Variants in SDK1 observed in about 807,000 individuals in gnomAD.
The protein encoded by SDK1 is protein sidekick-1.
In SDK1, 157 loss-of-function variants were observed where a neutral mutation model predicts 245.5. That is an observed-to-expected ratio of 0.64 (90% CI 0.56 to 0.73). The LOEUF (loss-of-function observed/expected upper bound fraction) is 0.73, where lower values mean the gene tolerates loss of function less well. SDK1 is among the 30% of genes least tolerant of loss of function. The pLI, the probability that SDK1 is intolerant of heterozygous loss-of-function variation, is 0.00. For missense variants in SDK1, 3,583 were observed against 3,002.3 expected, an observed-to-expected ratio of 1.19 and a Z score of -4.52; for synonymous variants, 1,647 against 1,278.5, an observed-to-expected ratio of 1.29 and a Z score of -6.15.
intron 1 of SDK1, among the ~76,000 whole-genome samples, chr7:3,534,453 A>G (rs1242433368): frequency 6.6e-6 from 1 of 151,730 alleles, no homozygotes; most frequent in Non-Finnish European, 1.5e-5. Flanking sequence ...TTTTTGAGAA[A>G]CCTCCATACC....
rs534548389 is a variant in SDK1 at position 3,623,951 on chromosome 7, G to A, written c.458+4712G>A. 2.5e-3 allele frequency among the ~76,000 whole-genome samples: 385 copies of A among 152,246 alleles called. 3 individuals are homozygous for A. Among genetic ancestry groups the A allele is most frequent in the African/African-American group, 9.1e-3 (377 of 41,546 alleles). ...TTCCAGGGAAAATAAGAATGGTTAA[G>A]GGAAAGGTTATTTTTTTCTTTTGTT... On this transcript the variant is annotated intron_variant, in intron 2 of 44. Coordinates refer to ENST00000404826, the MANE Select transcript of SDK1 (RefSeq NM_152744.4).
At chr7:3,348,638 A>G (rs557308487) in intron 1 of SDK1, among the ~76,000 whole-genome samples, 1 of 152,236 alleles carries the variant, frequency 6.6e-6, no homozygotes, top group African/African-American at 2.4e-5. Flanking sequence ...TGCACCCCAA[A>G]CCTCAGCATC....
chr7:4,139,190 CA>C (rs199758643), intron 28 of SDK1, among the ~76,000 whole-genome samples: 7 of 152,158 alleles, frequency 4.6e-5, no homozygotes, highest in African/African-American at 1.7e-4. Context: ...ACCCACCCCC[CA>C]TTTCCTGGAG....
intron 1 of SDK1, among the ~76,000 whole-genome samples, chr7:3,322,485 A>G (rs1779841872): frequency 6.6e-6 from 1 of 152,082 alleles, no homozygotes; most frequent in African/African-American, 2.4e-5. Context: ...TCTTTTTGGT[A>G]TATGCCTAGA....
intron 1 of SDK1, among the ~76,000 whole-genome samples, chr7:3,339,482 C>G (rs1780288710): frequency 6.6e-6 from 1 of 151,980 alleles, no homozygotes; most frequent in Non-Finnish European, 1.5e-5. Context: ...AATAGAATAC[C>G]CTACTTTTTA....
At chr7:3,499,502 G>T (rs1406121758) in intron 1 of SDK1, among the ~76,000 whole-genome samples, 1 of 152,316 alleles carries the variant, frequency 6.6e-6, no homozygotes, top group Non-Finnish European at 1.5e-5. Flanking sequence ...GAAGCCCCAT[G>T]TGTTCCTCTC....
Position 4,017,239 on chromosome 7 carries a change from G to T in SDK1, c.2489G>T (p.Cys830Phe). The T allele has an allele frequency of 6.2e-7, 1 of 1,614,118 alleles. No individual in the cohort carries two copies. Among genetic ancestry groups the T allele is most frequent in the Non-Finnish European group, 8.5e-7 (1 of 1,179,992 alleles). The change falls in exon 17 of 45, where the codon TGC becomes TTC. Residue 830 changes from cysteine to phenylalanine, a missense_variant. Transcript: ENST00000404826. ...ATCACCAGCCCGGAGGTGAACTACTGCCTGGTGACAGACCTGATCATCTGG... is the reference window on the plus strand; with the variant it reads ...ATCACCAGCCCGGAGGTGAACTACTTCCTGGTGACAGACCTGATCATCTGG... ...RNITSPEVNY[C>F]LVTDLIIWTQ...
chr7:4,129,351 AGCAGCTTGGGGTTGGGTGC>A (rs1384822962), intron 26 of SDK1, among the ~76,000 whole-genome samples: 1 of 138,086 alleles, frequency 7.2e-6, no homozygotes, highest in Non-Finnish European at 1.5e-5. Flanking sequence ...CCTGGAGGAC[AGCAGCTTGGGGTTGGGTGC>A]CCTGGAATAG....
intron 5 of SDK1, among the ~76,000 whole-genome samples, chr7:3,945,146 C>A (rs1562556404): frequency 6.6e-6 from 1 of 152,060 alleles, no homozygotes; most frequent in East Asian, 1.9e-4. Flanking sequence ...CTACTTGTAA[C>A]CCCTCAAACT....
chr7:3,341,007 G>A (rs927635938), intron 1 of SDK1, among the ~76,000 whole-genome samples: 8 of 152,022 alleles, frequency 5.3e-5, no homozygotes, highest in African/African-American at 1.9e-4. Context: ...CAGGAGAGAA[G>A]ACCTACAAAG....
chr7:4,193,452 T>A (rs539609279), intron 35 of SDK1, among the ~76,000 whole-genome samples: 14 of 148,170 alleles, frequency 9.4e-5, no homozygotes, highest in Non-Finnish European at 2.1e-4. Context: ...AACAATAGGC[T>A]GGGATATTGC....
At chr7:3,749,965 T>C (rs1231225441) in intron 4 of SDK1, among the ~76,000 whole-genome samples, 1 of 152,230 alleles carries the variant, frequency 6.6e-6, no homozygotes, top group African/African-American at 2.4e-5. Flanking sequence ...TGTTAGAATC[T>C]GGGTGTTTTT....
At chr7:3,513,432 G>A (rs1005009388) in intron 1 of SDK1, among the ~76,000 whole-genome samples, 3 of 152,106 alleles carry the variant, frequency 2.0e-5, no homozygotes, top group Admixed American at 1.3e-4. Flanking sequence ...AAATATAGAC[G>A]TTAATATTTA....
intron 1 of SDK1, among the ~76,000 whole-genome samples, chr7:3,330,807 TAAAAA>T (rs35013618): frequency 1.7e-5 from 2 of 115,374 alleles, no homozygotes; most frequent in African/African-American, 6.5e-5. Flanking sequence ...CCATTTCGCT[TAAAAA>T]AAAAAAAAAA....
intron 17 of SDK1, among the ~76,000 whole-genome samples, chr7:4,025,016 TCACA>T (rs10602730): frequency 0.2 from 29,917 of 148,226 alleles, 3,036 homozygotes; most frequent in Middle Eastern, 0.26. Context: ...TATTTTGCAT[TCACA>T]CACACACACA....
intron 1 of SDK1, among the ~76,000 whole-genome samples, chr7:3,606,708 A>G (rs1031851299): frequency 2.0e-5 from 3 of 152,148 alleles, no homozygotes; most frequent in Admixed American, 6.5e-5. Flanking sequence ...AGGCCTTTTT[A>G]AAACAATCTT....
chr7:3,760,823 AAC>A (rs1780075187), intron 4 of SDK1, among the ~76,000 whole-genome samples: 1 of 152,248 alleles, frequency 6.6e-6, no homozygotes, highest in Admixed American at 6.5e-5. Flanking sequence ...CTGGGTGTTT[AAC>A]TTAGCAGAAA....
intron 14 of SDK1, among the ~76,000 whole-genome samples, chr7:3,992,933 C>T (rs1784449704): frequency 6.6e-6 from 1 of 152,180 alleles, no homozygotes; most frequent in Admixed American, 6.5e-5. Context: ...TCTGCAGATA[C>T]TGACCCGTTT....
At chr7:3,724,797 C>T (rs956005703) in intron 4 of SDK1, among the ~76,000 whole-genome samples, 1 of 152,218 alleles carries the variant, frequency 6.6e-6, no homozygotes, top group Non-Finnish European at 1.5e-5. Flanking sequence ...CCACCTACCT[C>T]TTACAACCCT....
Sources: gnomAD v4.1 joint callset for allele counts (sites outside exome capture counted in the v4.1 genomes callset) on GRCh38, gnomAD v4.1.1 for gene constraint, MANE v1.5 for transcripts, NCBI Gene and HGNC (gene_info 2026-07-23, HGNC 2026-07-21) for gene names.